Variants in TRPA1 observed in about 807,000 individuals in gnomAD.
TRPA1 encodes the protein ankyrin-like with transmembrane domains 1.
Under a neutral mutation model 131.3 loss-of-function variants are expected in TRPA1, and 129 were observed. That is an observed-to-expected ratio of 0.98 (90% CI 0.85 to 1.14). The LOEUF (loss-of-function observed/expected upper bound fraction) is 1.14, where lower values mean the gene tolerates loss of function less well. Ranked by LOEUF, TRPA1 falls within the 50% of genes most tolerant of loss-of-function variation. The pLI, the probability that TRPA1 is intolerant of heterozygous loss-of-function variation, is 0.00. For synonymous variants in TRPA1, 441 were observed against 451.7 expected (o/e 0.98, Z 0.30); for missense variants, 1,304 against 1,354.2 (o/e 0.96, Z 0.58).
rs1346964983 is a variant in TRPA1 at position 72,069,004 on chromosome 8, A to G, written c.444+19T>C. On this transcript the variant is annotated intron_variant, in intron 3 of 26. Transcript: ENST00000262209. ...CTGCACCGCCGGTCAGGCCCTTTGG[A>G]GCCGGCCAGTAGCCTTACCTTCATC... The G allele has an allele frequency of 1.2e-6, 2 of 1,614,116 alleles. No homozygotes were observed. Among genetic ancestry groups the G allele is most frequent in the Non-Finnish European group, 1.7e-6 (2 of 1,179,990 alleles).
intron 23 of TRPA1, among the ~76,000 whole-genome samples, chr8:72,030,331 T>C (rs1811767147): frequency 6.6e-6 from 1 of 152,188 alleles, no homozygotes; most frequent in East Asian, 1.9e-4. Flanking sequence ...CACCTTCTAA[T>C]GCCATCTTCT....
chr8:72,030,966 T>C (rs1301047389), intron 23 of TRPA1, among the ~76,000 whole-genome samples: 1 of 152,210 alleles, frequency 6.6e-6, no homozygotes, highest in Non-Finnish European at 1.5e-5. Context: ...GCCAGCATCT[T>C]GCATGCTGCA....
At chr8:72,070,328 C>T (rs763294088) in intron 2 of TRPA1, among the ~76,000 whole-genome samples, 5 of 151,986 alleles carry the variant, frequency 3.3e-5, no homozygotes, top group Non-Finnish European at 5.9e-5. Flanking sequence ...CTAAACAATA[C>T]ACACACACAT....
intron 15 of TRPA1, among the ~76,000 whole-genome samples, chr8:72,047,877 G>A (rs13255235): frequency 0.22 from 34,004 of 151,852 alleles, 4,111 homozygotes; most frequent in Middle Eastern, 0.42. Flanking sequence ...TCCTTTGCTG[G>A]GTACCTTACT....
chr8:72,035,986 A>ACAAGACAG, intron 21 of TRPA1, among the ~76,000 whole-genome samples: 1 of 142,990 alleles, frequency 7.0e-6, no homozygotes, highest in Non-Finnish European at 1.5e-5. Context: ...TTTACGATAT[A>ACAAGACAG]CAAGACAGTC....
chr8:72,069,031 C>T lies in TRPA1; in HGVS notation c.436G>A (p.Val146Met). 6.2e-7 allele frequency: 1 copy of T among 1,614,212 alleles called. No individual in the cohort carries two copies. Among genetic ancestry groups the T allele is most frequent in the South Asian group, 1.1e-5 (1 of 91,082 alleles). Residue 146 changes from valine (V) to methionine (M), a missense_variant, in exon 3 of 27, where the codon GTG becomes ATG. Physicochemically the swap from Val to Met is conservative, Grantham distance 21. Transcript: ENST00000262209. ...HIAVQGMNNE[V>M]MKVLLEHRTI... is the part of the protein sequence containing the mutation. ...CCGGCCAGTAGCCTTACCTTCATCA[C>T]CTCATTATTCATGCCCTGCACAGCT...
intron 23 of TRPA1, among the ~76,000 whole-genome samples, chr8:72,030,446 T>C (rs760286194): frequency 8.5e-5 from 13 of 152,108 alleles, no homozygotes. Flanking sequence ...AATCTACTAG[T>C]AGTAGCTGCA....
chr8:72,077,796 A>G (rs775423204), upstream of TRPA1, among the ~76,000 whole-genome samples: 1 of 152,164 alleles, frequency 6.6e-6, no homozygotes, highest in Non-Finnish European at 1.5e-5. Context: ...CAGGAACAAG[A>G]TGGTATCTAG....
chr8:72,067,363 T>C (rs776241538), intron 3 of TRPA1, among the ~76,000 whole-genome samples: 2 of 152,208 alleles, frequency 1.3e-5, no homozygotes, highest in Admixed American at 1.3e-4. Flanking sequence ...TTACACATAG[T>C]TGTGGTTGGT....
At chr8:72,029,303 A>G (rs1811720434) in intron 24 of TRPA1, among the ~76,000 whole-genome samples, 1 of 152,190 alleles carries the variant, frequency 6.6e-6, no homozygotes, top group Admixed American at 6.5e-5. Flanking sequence ...TTGATCAAGC[A>G]GCTAGCTACC....
At position 72,057,776 on chromosome 8, in the gene TRPA1, G is replaced by A; in HGVS notation, c.1034C>T (p.Pro345Leu). ...TGCAGAAGCAGTTGCTAATATAAGT[G>A]GAGAGCGTCCTTCAGAATCGATCTT... ...INKIDSEGRS[P>L]LILATASASW... Residue 345 changes from proline to leucine, a missense_variant, in exon 9 of 27, where the codon CCA becomes CTA. By Grantham distance (98) the Pro-to-Leu change is moderately conservative. Transcript: ENST00000262209. 2 of 1,613,880 alleles carry A rather than the reference G, an allele frequency of 1.2e-6. No homozygotes were observed. Among genetic ancestry groups the A allele is most frequent in the South Asian group, 1.1e-5 (1 of 91,080 alleles).
At position 72,057,769 on chromosome 8, in the gene TRPA1, T is replaced by C. The variant is rs749877628; in HGVS notation, c.1041A>G (p.Ile347Met). Residue 347 changes from isoleucine to methionine, a missense_variant, in exon 9 of 27, where the codon ATA becomes ATG. Transcript: ENST00000262209. ...TCCAAGATGCAGAAGCAGTTGCTAA[T>C]ATAAGTGGAGAGCGTCCTTCAGAAT... ...KIDSEGRSPL[I>M]LATASASWNI... 3.7e-6 allele frequency: 6 copies of C among 1,613,984 alleles called. No homozygotes were observed. In the Admixed American group the frequency reaches 6.7e-5, roughly 18 times the overall value.
chr8:72,076,382 A>C (rs1016128896), upstream of TRPA1: 1 of 151,844 alleles, frequency 6.6e-6, no homozygotes. Context: ...ACGTACAGAC[A>C]AGGGAACTGT....
intron 25 of TRPA1, among the ~76,000 whole-genome samples, chr8:72,024,996 T>A (rs538173569): frequency 6.6e-6 from 1 of 152,292 alleles, no homozygotes; most frequent in East Asian, 1.9e-4. Flanking sequence ...AGCAACCTGT[T>A]ATTCTGGCTC....
rs1413924146 is a variant in TRPA1 at position 72,075,305 on chromosome 8, C to T, written c.105G>A (p.Ser35=). The T allele has an allele frequency of 6.2e-7, 1 of 1,613,038 alleles. No individual in the cohort carries two copies. ...CCGCGAGCCCCCAGAGTACCTTAAGCGATTCCTTGAAATCCTCCGTGTCGT... is the reference window on the plus strand; with the variant it reads ...CCGCGAGCCCCCAGAGTACCTTAAGTGATTCCTTGAAATCCTCCGTGTCGT... The part of the protein sequence containing the change: ...VPDDTEDFKE[S]LKVVFEGSAY... Residue 35 remains serine (S), a synonymous_variant, in exon 1 of 27, where the codon TCG becomes TCA. Transcript: ENST00000262209.
rs1805541529 is a variant in TRPA1 at position 72,052,689 on chromosome 8, A to G, written c.1721T>C (p.Ile574Thr). The G allele has an allele frequency of 6.2e-7, 1 of 1,613,862 alleles. No homozygotes were observed. The highest frequency in any genetic ancestry group is 8.5e-7 in the Non-Finnish European group (1 of 1,179,858). ...GGAGGCCTGCTGCTTGTTCAGGACT[A>G]TGTCAGCATTGTGGCTCAGAAGAAG... ...VALLLSHNADIVLNKQQASFL... is the reference protein window; with the variant it reads ...VALLLSHNADTVLNKQQASFL... The change falls in exon 14 of 27, where the codon ATA becomes ACA. Residue 574 changes from isoleucine to threonine, a missense_variant. Physicochemically the swap from Ile to Thr is moderately conservative, Grantham distance 89 (BLOSUM62 -1). Transcript: ENST00000262209.
At chr8:72,087,276 A>G in the TRPA1 span, among the ~76,000 whole-genome samples, 1 of 152,338 alleles carries the variant, frequency 6.6e-6, no homozygotes, top group Admixed American at 6.5e-5. Flanking sequence ...CTCTGTTGAA[A>G]TCAGGCATGG....
At chr8:72,083,072 A>G in the TRPA1 span, among the ~76,000 whole-genome samples, 135,011 of 152,046 alleles carry the variant, frequency 0.89, 60,150 homozygotes, top group African/African-American at 0.95. Flanking sequence ...CTGCTATTGA[A>G]CCTACTAGTA....
chr8:72,065,310 GA>G (rs1796414073), intron 4 of TRPA1, 140 bp downstream of exon 4: 3 of 735,454 alleles, frequency 4.1e-6, no homozygotes, highest in Non-Finnish European at 6.6e-6. Context: ...AAAACACATA[GA>G]AAAACTTTTT....
Sources: allele counts gnomAD v4.1 joint callset (sites outside exome capture counted in the v4.1 genomes callset), GRCh38; gene constraint gnomAD v4.1.1; transcripts MANE v1.5; gene names NCBI Gene and HGNC (gene_info 2026-07-23, HGNC 2026-07-21).